The following C17orf99 variants were observed in gnomAD, a reference collection of about 807,000 sequenced individuals.
C17orf99 encodes protein IL-40.
A neutral mutation model predicts 22.6 loss-of-function variants in C17orf99; 18 were observed. That is an observed-to-expected ratio of 0.80 (90% CI 0.55 to 1.18). C17orf99 has a LOEUF of 1.18. Ranked by LOEUF, C17orf99 falls within the 50% of genes most tolerant of loss-of-function variation. The pLI is 0.00. For synonymous variants in C17orf99, 147 were observed against 136.6 expected, an observed-to-expected ratio of 1.08 and a Z score of -0.53; for missense variants, 328 against 342.7, an observed-to-expected ratio of 0.96 and a Z score of 0.34.
intron 2 of C17orf99, among the ~76,000 whole-genome samples, chr17:78,147,356 G>A (rs945491753): frequency 2.6e-5 from 4 of 152,172 alleles, no homozygotes; most frequent in Admixed American, 6.5e-5. Flanking sequence ...GAGGAGGGCC[G>A]TGAGAGGATG....
chr17:78,157,774 G>A, intron 2 of C17orf99: 2 of 631,574 alleles, frequency 3.2e-6, no homozygotes, highest in Admixed American at 5.7e-5. Context: ...TCCAGCCTGG[G>A]CGACAGAGCG....
intron 2 of C17orf99, among the ~76,000 whole-genome samples, chr17:78,155,228 C>G (rs1341465666): frequency 6.6e-6 from 1 of 151,850 alleles, no homozygotes; most frequent in Non-Finnish European, 1.5e-5. Context: ...CCAAAGTTCC[C>G]CTGGAGGCAA....
chr17:78,164,848 G>C (rs1185144176), intron 4 of C17orf99: 1 of 1,197,224 alleles, frequency 8.4e-7, no homozygotes. Flanking sequence ...TGTGTGCCAT[G>C]TGCCTACTGA....
rs1307069328 is a variant in C17orf99, at chr17:78,165,896, C to A, written c.648C>A (p.Asp216Glu). ...CTCCACTGCTTTGTCAAGGTGGTGACCAGAAGATGGAGGACTGGCAGGGTC... is the reference window on the plus strand; with the variant it reads ...CTCCACTGCTTTGTCAAGGTGGTGAACAGAAGATGGAGGACTGGCAGGGTC... ...SALTVVPPGG[D>E]QKMEDWQGPL... Residue 216 changes from aspartate (D) to glutamate (E), a missense_variant, in exon 5 of 5, where the codon GAC becomes GAA. Transcript: ENST00000340363. The A allele has an allele frequency of 2.2e-5, 30 of 1,351,242 alleles. No homozygotes were observed. The highest frequency in any genetic ancestry group is 2.8e-5 in the Non-Finnish European group (29 of 1,034,490). 83.7% of individuals were successfully genotyped at this position (1,351,242 alleles called of 1,614,324 possible). A position where few individuals can be genotyped will look rare whatever the true frequency, so the allele number is the denominator to read the frequency against.
upstream of C17orf99, chr17:78,146,330 C>T: frequency 7.2e-7 from 1 of 1,383,710 alleles, no homozygotes; most frequent in Non-Finnish European, 9.9e-7. The surrounding 1 kb of genome is among the most constrained non-coding windows in gnomAD (Gnocchi z 5.2). Flanking sequence ...AGGGAGCATC[C>T]CAGGGGCCTC....
In C17orf99 at chr17:78,157,286, A is replaced by G. The variant is rs145180521; in HGVS notation, c.71-3669A>G. 1,005 of 362,734 alleles carry G rather than the reference A, an allele frequency of 2.8e-3. 13 individuals carry two copies. Among genetic ancestry groups the G allele is most frequent in the African/African-American group, 0.021 (919 of 44,148 alleles). 22.5% of individuals were successfully genotyped at this position (362,734 alleles called of 1,614,324 possible). A position where few individuals can be genotyped will look rare whatever the true frequency, so the allele number is the denominator to read the frequency against. On this transcript the variant is annotated intron_variant, in intron 2 of 4. Coordinates refer to ENST00000340363, the MANE Select transcript of C17orf99 (RefSeq NM_001163075.2). ...CAAGAGCAGCCTGGCCAACACGGTG[A>G]AAACCCATCTCAGGTGCCTGCGTAC...
chr17:78,160,534 TAAA>T (rs372825479), intron 2 of C17orf99, among the ~76,000 whole-genome samples: 1 of 135,236 alleles, frequency 7.4e-6, no homozygotes. Context: ...AGACTCCATC[TAAA>T]AAAAAAAAAA....
At position 78,165,659 on chromosome 17, in the gene C17orf99, G is replaced by A. The variant is rs9906000; in HGVS notation, c.641-230G>A. The A allele has an allele frequency of 3.7e-3, 3,309 of 905,678 alleles. 81 individuals carry two copies. The African/African-American group carries it at 0.051, about 14-fold the overall frequency. The allele number at this position is 905,678 out of a possible 1,614,324, so 56.1% of individuals were successfully genotyped here. On this transcript the variant is annotated intron_variant, in intron 4 of 4. Transcript: ENST00000340363. ...CTCTACTAAAAATACAAAATTAGCC[G>A]GGCGTGGTGGTGCGCACCTGTAGTC...
intron 2 of C17orf99, among the ~76,000 whole-genome samples, chr17:78,152,536 T>C (rs1362025907): frequency 6.6e-6 from 1 of 151,984 alleles, no homozygotes; most frequent in Non-Finnish European, 1.5e-5. Context: ...GGTTTTGCCA[T>C]GTTGGCCCGG....
intron 2 of C17orf99, among the ~76,000 whole-genome samples, chr17:78,152,360 G>A (rs142305666): frequency 0.033 from 4,893 of 149,648 alleles, 233 homozygotes; most frequent in East Asian, 0.24. Flanking sequence ...TTTGAGACAG[G>A]GTCTCACTTT....
chr17:78,148,912 T>C (rs989360979), intron 2 of C17orf99, among the ~76,000 whole-genome samples: 3 of 152,218 alleles, frequency 2.0e-5, no homozygotes, highest in African/African-American at 7.2e-5. Flanking sequence ...ATTAGGCTAC[T>C]CGGGATCCAG....
chr17:78,160,276 G>A (rs971130047), intron 2 of C17orf99, among the ~76,000 whole-genome samples: 4 of 152,082 alleles, frequency 2.6e-5, no homozygotes, highest in African/African-American at 4.8e-5. Flanking sequence ...GGTGGCTCAC[G>A]CCTGTAATCC....
chr17:78,160,479 T>C (rs1345370849), intron 2 of C17orf99, among the ~76,000 whole-genome samples: 24 of 148,190 alleles, frequency 1.6e-4, no homozygotes, highest in Non-Finnish European at 5.9e-5. Flanking sequence ...AAGGTTGTGG[T>C]GAGCAGAGAT....
chr17:78,162,142 G>C (rs1158826839), intron 3 of C17orf99, among the ~76,000 whole-genome samples: 3 of 152,012 alleles, frequency 2.0e-5, no homozygotes, highest in Non-Finnish European at 4.4e-5. Context: ...TGGGTGTGGT[G>C]GTGGGCACCT....
chr17:78,161,350 G>A, intron 3 of C17orf99, 96 bp downstream of exon 3: 2 of 1,117,854 alleles, frequency 1.8e-6, no homozygotes, highest in Non-Finnish European at 2.6e-6. Context: ...GCTGGGGTTA[G>A]AGAGAGCCAG....
In C17orf99 at chr17:78,166,151, GCCA is replaced by G; in HGVS notation, c.*107_*109del. The G allele has an allele frequency of 9.5e-6, 2 of 210,980 alleles. No individual in the cohort carries two copies. The highest frequency in any genetic ancestry group is 1.6e-5 in the Non-Finnish European group (2 of 126,916). The allele number at this position is 210,980 out of a possible 1,614,324, so 13.1% of individuals were successfully genotyped here. On this transcript the variant is annotated 3_prime_UTR_variant, in exon 5 of 5. Coordinates refer to ENST00000340363, the MANE Select transcript of C17orf99 (RefSeq NM_001163075.2). ...AAATGAGTGTGTTTTAGCTGCTCTTGCCACAAAAAAAAAAAAAAAAAAAAAAGG... is the reference window on the plus strand; with the variant it reads ...AAATGAGTGTGTTTTAGCTGCTCTTGCAAAAAAAAAAAAAAAAAAAAAAGG...
chr17:78,154,913 G>A (rs868104421), intron 2 of C17orf99, among the ~76,000 whole-genome samples: 1 of 152,084 alleles, frequency 6.6e-6, no homozygotes, highest in Non-Finnish European at 1.5e-5. Context: ...GCACAGATGA[G>A]AAAATAATTG....
At chr17:78,152,371 G>A (rs1166948151) in intron 2 of C17orf99, among the ~76,000 whole-genome samples, 2 of 144,258 alleles carry the variant, frequency 1.4e-5, no homozygotes, top group Non-Finnish European at 3.0e-5. Flanking sequence ...GTCTCACTTT[G>A]TCACCCAGGC....
intron 4 of C17orf99, chr17:78,165,589 G>A (rs2075611331): frequency 1.0e-6 from 1 of 984,160 alleles, no homozygotes; most frequent in Non-Finnish European, 1.2e-6. Flanking sequence ...AATCACCTGA[G>A]GTCAGGAGTT....
Sources: gnomAD v4.1 joint callset for allele counts (sites outside exome capture counted in the v4.1 genomes callset) on GRCh38, gnomAD v4.1.1 for gene constraint, Gnocchi (gnomAD v3.1) non-coding constraint, MANE v1.5 for transcripts, NCBI Gene and HGNC (gene_info 2026-07-23, HGNC 2026-07-21) for gene names.